The following GSDME variants were observed in gnomAD, a reference collection of about 807,000 sequenced individuals.
The protein encoded by GSDME is gasdermin E.
A neutral mutation model predicts 47.5 loss-of-function variants in GSDME; 44 were observed. The observed-to-expected ratio is 0.93, with a 90% confidence interval of 0.73 to 1.19. GSDME has a LOEUF of 1.19. GSDME is among the 50% of genes most tolerant of loss of function. The pLI, the probability that GSDME is intolerant of heterozygous loss-of-function variation, is 0.00. For synonymous variants in GSDME, 258 were observed against 252.8 expected (o/e 1.02, Z -0.20); for missense variants, 663 against 604.2 (o/e 1.10, Z -1.02).
In GSDME at chr7:24,699,528, T is replaced by TG. The variant is rs533259005; in HGVS notation, c.1258-270dup. Among the ~76,000 whole-genome samples the TG allele has an allele frequency of 7.1e-4, 108 of 152,242 alleles. 1 individual carries two copies. The highest frequency in any genetic ancestry group is 1.2e-3 in the Non-Finnish European group (83 of 68,016). Reference sequence around the variant, plus strand: ...CTAATTTTTGTATTTTTAGTAGAGATGGGGTTTCACCGTGTTGGCCAGGCT... The same window carrying TG: ...CTAATTTTTGTATTTTTAGTAGAGATGGGGGTTTCACCGTGTTGGCCAGGCT... On this transcript the variant is annotated intron_variant, in intron 9 of 9. Coordinates refer to ENST00000645220, the MANE Select transcript of GSDME (RefSeq NM_001127453.2).
intron 7 of GSDME, among the ~76,000 whole-genome samples, 178 bp from the exon 8 acceptor site, chr7:24,706,554 C>T (rs921251427): frequency 7.9e-5 from 12 of 152,222 alleles, no homozygotes; most frequent in Non-Finnish European, 1.0e-4. Flanking sequence ...ATTTCACTGA[C>T]GGGACAGTAA....
intron 4 of GSDME, among the ~76,000 whole-genome samples, chr7:24,717,635 C>G (rs1280602293): frequency 6.6e-6 from 1 of 152,192 alleles, no homozygotes; most frequent in Non-Finnish European, 1.5e-5. Flanking sequence ...GAAGTTAGGT[C>G]TACAGTGCTG....
the GSDME span, among the ~76,000 whole-genome samples, chr7:24,763,751 CA>C: frequency 6.6e-6 from 1 of 152,148 alleles, no homozygotes; most frequent in Non-Finnish European, 1.5e-5. The surrounding 1 kb of genome is among the most constrained non-coding windows in gnomAD (Gnocchi z 4.3). Context: ...CTCCTAATTG[CA>C]AGACAGGCTG....
Position 24,754,884 on chromosome 7 carries a change from C to T in GSDME, c.-20+2512G>A, listed in dbSNP as rs1439686127. 6.6e-6 allele frequency among the ~76,000 whole-genome samples: 1 copy of T among 152,190 alleles called. No individual in the cohort carries two copies. Among genetic ancestry groups the T allele is most frequent in the African/African-American group, 2.4e-5 (1 of 41,430 alleles). On this transcript the variant is annotated intron_variant, in intron 1 of 9. Coordinates refer to ENST00000645220, the MANE Select transcript of GSDME (RefSeq NM_001127453.2). This position sits in a 1 kb window ranked among gnomAD's most constrained non-coding sequence, Gnocchi z 5.0. The stretch of plus-strand genomic sequence containing the variant: ...AAGCAGCTCTGGTTGAACCCTGGGC[C>T]TCTGCCTGAAGAGTTCTAGAAAAGA...
intron 7 of GSDME, 133 bp from the exon 8 acceptor site, chr7:24,706,509 T>C (rs1186644102): frequency 8.3e-5 from 69 of 834,212 alleles, no homozygotes; most frequent in Non-Finnish European, 1.2e-4. Flanking sequence ...GCAGCTCTTC[T>C]CTACGTTCTG....
chr7:24,734,442 C>G (rs1372443602), intron 3 of GSDME, among the ~76,000 whole-genome samples: 1 of 152,218 alleles, frequency 6.6e-6, no homozygotes, highest in Non-Finnish European at 1.5e-5. Flanking sequence ...ACCAAACAAA[C>G]TAAATTAGGC....
rs912310651 is a variant in GSDME, at chr7:24,724,680, G to C, written c.405-5462C>G. ...TTCTACTGTGAGGTTGCCCTTCTGC[G>C]CGTACCTGGCAGGTCGATATAACAC... On this transcript the variant is annotated intron_variant, in intron 3 of 9. Coordinates refer to ENST00000645220, the MANE Select transcript of GSDME (RefSeq NM_001127453.2). The surrounding 1 kb of genome is among the most constrained non-coding windows in gnomAD (Gnocchi z 4.8). The C allele has an allele frequency of 6.6e-6, 1 of 152,232 alleles. No individual in the cohort carries two copies. The highest frequency in any genetic ancestry group is 2.4e-5 in the African/African-American group (1 of 41,438). The allele number at this position is 152,232 out of a possible 1,614,324, so 9.4% of individuals were successfully genotyped here.
chr7:24,785,539 T>A, the GSDME span, among the ~76,000 whole-genome samples: 1 of 152,212 alleles, frequency 6.6e-6, no homozygotes, highest in Non-Finnish European at 1.5e-5. Context: ...CACTGCAACC[T>A]CCACCTCATG....
At chr7:24,723,415 C>G (rs2128055402) in intron 3 of GSDME, among the ~76,000 whole-genome samples, 1 of 152,264 alleles carries the variant, frequency 6.6e-6, no homozygotes, top group Admixed American at 6.5e-5. Context: ...CTCCTCAGAA[C>G]AGAAATCACC....
chr7:24,741,513 G>C (rs1273886796), intron 3 of GSDME, among the ~76,000 whole-genome samples: 3 of 152,182 alleles, frequency 2.0e-5, no homozygotes, highest in African/African-American at 7.2e-5. Context: ...ATGCCTTCCT[G>C]CCCAGCACAG....
intron 9 of GSDME, 110 bp downstream of exon 9, chr7:24,702,650 A>G: frequency 2.4e-6 from 2 of 847,906 alleles, no homozygotes; most frequent in Non-Finnish European, 4.1e-6. Flanking sequence ...TGTGTCTTGA[A>G]GAGCTGTTGT....
chr7:24,781,766 C>G, the GSDME span, among the ~76,000 whole-genome samples: 2 of 151,716 alleles, frequency 1.3e-5, no homozygotes, highest in Admixed American at 1.3e-4. Context: ...GGGGTGGGGA[C>G]AAGGTTTCAC....
chr7:24,783,318 G>A, the GSDME span, among the ~76,000 whole-genome samples: 1 of 152,058 alleles, frequency 6.6e-6, no homozygotes. Context: ...CTAACCTAGG[G>A]CTCAATTTCT....
At chr7:24,706,432 C>T in intron 7 of GSDME, 56 bp from the exon 8 acceptor site, 2 of 1,557,024 alleles carry the variant, frequency 1.3e-6, no homozygotes, top group Non-Finnish European at 1.7e-6. Flanking sequence ...AGCGCCACAG[C>T]TGGGGCCTCC....
rs779262301 is a variant in GSDME, at chr7:24,706,287, C to T, written c.1080G>A (p.Leu360=). 1.9e-6 allele frequency: 3 copies of T among 1,614,162 alleles called. No homozygotes were observed. Among genetic ancestry groups the T allele is most frequent in the East Asian group, 2.2e-5 (1 of 44,878 alleles). The change falls in exon 8 of 10, where the codon CTG becomes CTA. Residue 360 remains leucine, a synonymous_variant. Transcript: ENST00000645220. ...PRQQQDLVAF[L]QLVGCSLQGG... The stretch of plus-strand genomic sequence containing the variant: ...CCTGTAAGCTGCACCCCACCAGCTG[C>T]AGGAAGGCCACAAGGTCCTGCTGCT...
At chr7:24,771,971 TC>T in the GSDME span, among the ~76,000 whole-genome samples, 37 of 152,244 alleles carry the variant, frequency 2.4e-4, no homozygotes, top group Non-Finnish European at 1.3e-4. The surrounding 1 kb of genome is among the most constrained non-coding windows in gnomAD (Gnocchi z 4.1). Flanking sequence ...CCTGATGCAG[TC>T]CCCTTGTCTT....
chr7:24,706,250 C>T lies in GSDME; in HGVS notation c.1117G>A (p.Gly373Ser), dbSNP rs1368540590. ...TGCTTGCTGCCTGCATCCTCGGGGCCCGGACACCCACCCTGTAAGCTGCAC... is the reference window on the plus strand; with the variant it reads ...TGCTTGCTGCCTGCATCCTCGGGGCTCGGACACCCACCCTGTAAGCTGCAC... The part of the protein sequence containing the change: ...VGCSLQGGCP[G>S]PEDAGSKQLF... Residue 373 changes from glycine to serine, a missense_variant, in exon 8 of 10, where the codon GGC (glycine) becomes AGC (serine). Coordinates refer to ENST00000645220, the MANE Select transcript of GSDME (RefSeq NM_001127453.2). 6.2e-7 allele frequency: 1 copy of T among 1,614,070 alleles called. No individual in the cohort carries two copies. Among genetic ancestry groups the T allele is most frequent in the East Asian group, 2.2e-5 (1 of 44,884 alleles).
In GSDME at chr7:24,724,485, C is replaced by T. The variant is rs1422016812; in HGVS notation, c.405-5267G>A. The stretch of plus-strand genomic sequence containing the variant: ...GGCTCCTTGTTCTTCCTGGCGGGGG[C>T]GGCAACGTGAAAGCAAGAACAGGAG... On this transcript the variant is annotated intron_variant, in intron 3 of 9. Transcript: ENST00000645220. This position sits in a 1 kb window ranked among gnomAD's most constrained non-coding sequence, Gnocchi z 4.8. 6.6e-6 allele frequency among the ~76,000 whole-genome samples: 1 copy of T among 152,156 alleles called. No individual in the cohort carries two copies. Among genetic ancestry groups the T allele is most frequent in the Non-Finnish European group, 1.5e-5 (1 of 68,040 alleles).
intron 4 of GSDME, among the ~76,000 whole-genome samples, chr7:24,717,853 G>T (rs563783705): frequency 2.0e-5 from 3 of 152,174 alleles, no homozygotes; most frequent in Non-Finnish European, 4.4e-5. Flanking sequence ...AGAGGGAAGT[G>T]GGAAGAGGCC....
Sources: gnomAD v4.1 joint callset for allele counts (sites outside exome capture counted in the v4.1 genomes callset) on GRCh38, gnomAD v4.1.1 for gene constraint, Gnocchi (gnomAD v3.1) non-coding constraint, MANE v1.5 for transcripts, NCBI Gene and HGNC (gene_info 2026-07-23, HGNC 2026-07-21) for gene names.